KIF14: variants seen among roughly 807,000 people sequenced by gnomAD.
The protein encoded by KIF14 is kinesin family member 14.
KIF14 carries 98 observed loss-of-function variants against 176.2 expected under a neutral mutation model. That is an observed-to-expected ratio of 0.56 (90% CI 0.47 to 0.66). KIF14 has a LOEUF of 0.66. Among genes scored for constraint, KIF14 ranks in the 30% least tolerant of loss-of-function variants. KIF14 has a pLI of 0.00. For missense variants in KIF14, 1,751 were observed against 1,920.4 expected (o/e 0.91, Z 1.65); for synonymous variants, 566 against 632.2 (o/e 0.90, Z 1.57).
intron 13 of KIF14, 72 bp from the exon 14 acceptor site, chr1:200,598,493 G>T: frequency 9.2e-7 from 1 of 1,089,994 alleles, no homozygotes; most frequent in Non-Finnish European, 1.3e-6. Context: ...AAAACAAATG[G>T]TCTATATTAA....
chr1:200,551,613 T>C lies in KIF14; in HGVS notation c.*1775A>G, dbSNP rs1284606546. The stretch of plus-strand genomic sequence containing the variant: ...CATTCATTCAAATACAGTATCACAA[T>C]GTGTTTAGTATAAATATGTATACAA... On this transcript the variant is annotated 3_prime_UTR_variant, in exon 30 of 30. Coordinates refer to ENST00000367350, the MANE Select transcript of KIF14 (RefSeq NM_014875.3). The C allele has an allele frequency of 6.6e-6, 1 of 152,218 alleles. No individual in the cohort carries two copies. The highest frequency in any genetic ancestry group is 1.5e-5 in the Non-Finnish European group (1 of 68,032). 9.4% of individuals were successfully genotyped at this position (152,218 alleles called of 1,614,324 possible).
At chr1:200,617,150 T>C (rs375225420) in intron 2 of KIF14, among the ~76,000 whole-genome samples, 2 of 152,314 alleles carry the variant, frequency 1.3e-5, no homozygotes, top group East Asian at 3.9e-4. Context: ...GTATTTTTAG[T>C]AGAGACAGGG....
At chr1:200,614,485 G>A (rs1660308207) in intron 3 of KIF14, 80 bp from the exon 4 acceptor site, 1 of 832,568 alleles carries the variant, frequency 1.2e-6, no homozygotes, top group Non-Finnish European at 1.9e-6. Flanking sequence ...AGGCTGGGAA[G>A]GGAGTAGGAA....
intron 11 of KIF14, among the ~76,000 whole-genome samples, chr1:200,601,636 TTTA>T (rs1340677579): frequency 6.6e-6 from 1 of 152,196 alleles, no homozygotes; most frequent in Non-Finnish European, 1.5e-5. Flanking sequence ...ACTGTGTAAA[TTTA>T]TTGTTTAATG....
At chr1:200,559,305 C>T (rs1208416809) in intron 27 of KIF14, 25 bp downstream of exon 27, 3 of 1,485,218 alleles carry the variant, frequency 2.0e-6, no homozygotes, top group Non-Finnish European at 2.7e-6. Context: ...TAGTACTGTA[C>T]AGAATATTCT....
intron 19 of KIF14, among the ~76,000 whole-genome samples, chr1:200,585,181 T>C (rs1267157898): frequency 6.6e-6 from 1 of 151,638 alleles, no homozygotes; most frequent in Non-Finnish European, 1.5e-5. Flanking sequence ...TTGCCTATAA[T>C]TAATAATACT....
At position 200,590,337 on chromosome 1, in the gene KIF14, T is replaced by C. The variant is rs535527038; in HGVS notation, c.2814-65A>G. The C allele has an allele frequency of 1.2e-5, 16 of 1,349,692 alleles. No homozygotes were observed. The African/African-American group carries it at 2.2e-4, about 18-fold the overall frequency. The allele number at this position is 1,349,692 out of a possible 1,614,324, so 83.6% of individuals were successfully genotyped here. ...ATTCTTTATACATCATAATAGTTCTTAATCCTACTGAAAAGTTTTCCATTG... is the reference window on the plus strand; with the variant it reads ...ATTCTTTATACATCATAATAGTTCTCAATCCTACTGAAAAGTTTTCCATTG... On this transcript the variant is annotated intron_variant, in intron 16 of 29. Coordinates refer to ENST00000367350, the MANE Select transcript of KIF14 (RefSeq NM_014875.3).
intron 26 of KIF14, 118 bp downstream of exon 26, chr1:200,560,604 A>G: frequency 8.9e-7 from 1 of 1,124,772 alleles, no homozygotes; most frequent in East Asian, 2.4e-5. Flanking sequence ...CAAAACTACT[A>G]AAAGTACAAG....
rs1658438983 is a variant in KIF14 at position 200,581,287 on chromosome 1, T to C, written c.3249A>G (p.Thr1083=). The stretch of plus-strand genomic sequence containing the variant: ...TTGAGAGTTTCATAGAGCTCCAAGT[T>C]GTCTGCACTAATACAAAGCACACAG... ...NNRDKTFTVQ[T]TWSSMKLSMM... is the part of the protein sequence containing the mutation. Residue 1083 remains threonine, a synonymous_variant, in exon 20 of 30, where the codon ACA becomes ACG. Transcript: ENST00000367350. 2 of 1,595,042 alleles carry C rather than the reference T, an allele frequency of 1.3e-6. No homozygotes were observed. The highest frequency in any genetic ancestry group is 2.3e-5 in the East Asian group (1 of 44,324).
chr1:200,559,739 C>T (rs541894881), intron 26 of KIF14, among the ~76,000 whole-genome samples: 3 of 151,510 alleles, frequency 2.0e-5, no homozygotes, highest in Non-Finnish European at 2.9e-5. Context: ...CTCTATATTG[C>T]TAGAACACAG....
In KIF14 at chr1:200,551,698, A is replaced by G. The variant is rs1392068971; in HGVS notation, c.*1690T>C. On this transcript the variant is annotated 3_prime_UTR_variant, in exon 30 of 30. Transcript: ENST00000367350. ...TTAAGTCATGAGTTTACAAAGCACA[A>G]ACTGAAGATTAAATACTGAATATTA... 1 of 151,810 alleles carries G rather than the reference A, an allele frequency of 6.6e-6. No individual in the cohort carries two copies. The highest frequency in any genetic ancestry group is 1.5e-5 in the Non-Finnish European group (1 of 68,036). 9.4% of individuals were successfully genotyped at this position (151,810 alleles called of 1,614,324 possible). A position where few individuals can be genotyped will look rare whatever the true frequency, so the allele number is the denominator to read the frequency against.
At chr1:200,562,181 AACACAAGTC>A (rs1240342847) in intron 25 of KIF14, among the ~76,000 whole-genome samples, 1 of 152,230 alleles carries the variant, frequency 6.6e-6, no homozygotes, top group Non-Finnish European at 1.5e-5. Context: ...TTGCTAGCTT[AACACAAGTC>A]TGTCCTGAGC....
chr1:200,592,108 T>C lies in KIF14; in HGVS notation c.2785A>G (p.Asn929Asp). 6.2e-7 allele frequency: 1 copy of C among 1,613,498 alleles called. No individual in the cohort carries two copies. The highest frequency in any genetic ancestry group is 8.5e-7 in the Non-Finnish European group (1 of 1,179,824). ...EGPKDFEFAK[N>D]ELLMAQRSQL... ...GATCTCTGTGCCATGAGCAACTCAT[T>C]TTTTGCAAATTCAAAGTCTTTTGGA... Residue 929 changes from asparagine to aspartate, a missense_variant, in exon 16 of 30, where the codon AAT becomes GAT. Asn to Asp is a conservative substitution (Grantham distance 23, BLOSUM62 1). Transcript: ENST00000367350.
In KIF14 at chr1:200,618,617, A is replaced by C. The variant is rs564874427; in HGVS notation, c.107T>G (p.Leu36Arg). The C allele has an allele frequency of 8.7e-6, 14 of 1,614,160 alleles. No homozygotes were observed. The African/African-American group carries it at 1.9e-4, about 22-fold the overall frequency. The change falls in exon 2 of 30, where the codon CTT (leucine) becomes CGT (arginine). Residue 36 changes from leucine to arginine, a missense_variant. Physicochemically the swap from Leu to Arg is moderately radical, Grantham distance 102. Transcript: ENST00000367350. ...SLNALTHSSR[L>R]KLHLKSDMSE... Reference sequence around the variant, plus strand: ...CATATCCGACTTCAAATGCAGCTTAAGTCGGCTACTGTGGGTGAGGGCATT... The same window carrying C: ...CATATCCGACTTCAAATGCAGCTTACGTCGGCTACTGTGGGTGAGGGCATT...
intron 16 of KIF14, 82 bp downstream of exon 16, chr1:200,591,998 T>C: frequency 8.4e-7 from 1 of 1,188,542 alleles, no homozygotes; most frequent in Middle Eastern, 2.0e-4. Flanking sequence ...AAGAGTTAAT[T>C]ACTAGAGACT....
chr1:200,555,804 C>G (rs1400231017), intron 27 of KIF14, among the ~76,000 whole-genome samples: 1 of 151,904 alleles, frequency 6.6e-6, no homozygotes, highest in Non-Finnish European at 1.5e-5. Flanking sequence ...TTTCTATTTA[C>G]CTGTGACATG....
At chr1:200,591,135 ATTTATATTG>A in intron 16 of KIF14, among the ~76,000 whole-genome samples, 1 of 152,250 alleles carries the variant, frequency 6.6e-6, no homozygotes, top group South Asian at 2.1e-4. Context: ...ATTTTGTGCT[ATTTATATTG>A]TATTCAATTA....
In KIF14 at chr1:200,618,562, C is replaced by T. The variant is rs1178037660; in HGVS notation, c.162G>A (p.Leu54=). 6.2e-7 allele frequency: 1 copy of T among 1,614,126 alleles called. No individual in the cohort carries two copies. The highest frequency in any genetic ancestry group is 1.7e-5 in the Admixed American group (1 of 60,018). Residue 54 remains leucine (L), a synonymous_variant, in exon 2 of 30, where the codon TTG becomes TTA. Transcript: ENST00000367350. ...MSECENDDPL[L]RSAGKVRDIN... is the part of the protein sequence containing the mutation. ...TGTCTCTGACTTTACCTGCAGATCT[C>T]AATAATGGATCATCATTTTCACATT...
Position 200,573,427 on chromosome 1 carries a change from C to CTTTTTTTTTTTTTTTTTTTTTT in KIF14, c.3566+2142_3566+2163dup, listed in dbSNP as rs869174532. ...TTCCCTACACTCAAGGAGCTCATTT[C>CTTTTTTTTTTTTTTTTTTTTTT]TTTTTTTTTTTTTTTTTTTTTTTTG... On this transcript the variant is annotated intron_variant, in intron 22 of 29. Coordinates refer to ENST00000367350, the MANE Select transcript of KIF14 (RefSeq NM_014875.3). Among the ~76,000 whole-genome samples, 19 of 77,746 alleles carry CTTTTTTTTTTTTTTTTTTTTTT rather than the reference C, an allele frequency of 2.4e-4. 3 individuals carry two copies. The highest frequency in any genetic ancestry group is 8.5e-4 in the African/African-American group (15 of 17,558). The allele number at this position is 77,746 out of a possible 152,430, so 51.0% of individuals were successfully genotyped here. A position where few individuals can be genotyped will look rare whatever the true frequency, so the allele number is the denominator to read the frequency against.
Sources: allele counts gnomAD v4.1 joint callset (sites outside exome capture counted in the v4.1 genomes callset), GRCh38; gene constraint gnomAD v4.1.1; transcripts MANE v1.5; gene names NCBI Gene and HGNC (gene_info 2026-07-23, HGNC 2026-07-21).